The following GYPC variants were observed in gnomAD, a reference collection of about 807,000 sequenced individuals.
The protein encoded by GYPC is glycophorin C (Gerbich blood group).
GYPC carries 14 observed loss-of-function variants against 12.6 expected under a neutral mutation model. That is an observed-to-expected ratio of 1.11 (90% confidence interval 0.74 to 1.74). The LOEUF is 1.74. Ranked by LOEUF, GYPC falls within the 40% of genes most tolerant of loss-of-function variation. GYPC has a pLI of 0.00. For missense variants in GYPC, 225 were observed against 172.1 expected (o/e 1.31, Z -1.72); for synonymous variants, 78 against 62.1 (o/e 1.26, Z -1.20).
chr2:126,684,835 G>A (rs1329331520), intron 1 of GYPC, among the ~76,000 whole-genome samples: 4 of 152,080 alleles, frequency 2.6e-5, no homozygotes, highest in South Asian at 2.1e-4. Flanking sequence ...CTAGCACCTC[G>A]TCAATGCTCA....
Position 126,696,210 on chromosome 2 carries a change from C to A in GYPC, c.*68C>A. On this transcript the variant is annotated 3_prime_UTR_variant, in exon 4 of 4. Coordinates refer to ENST00000259254, the MANE Select transcript of GYPC (RefSeq NM_002101.5). ...ATCAGGAAAAATACACCCCATCGCC[C>A]AGCACCCCTGCTGATACCACCAGAC... 1.8e-6 allele frequency: 2 copies of A among 1,133,142 alleles called. No individual in the cohort carries two copies. Among genetic ancestry groups the A allele is most frequent in the South Asian group, 1.3e-5 (1 of 77,836 alleles). 70.2% of individuals were successfully genotyped at this position (1,133,142 alleles called of 1,614,324 possible). A position where few individuals can be genotyped will look rare whatever the true frequency, so the allele number is the denominator to read the frequency against.
At chr2:126,656,794 G>C (rs1003041629) in intron 1 of GYPC, among the ~76,000 whole-genome samples, 7 of 152,240 alleles carry the variant, frequency 4.6e-5, no homozygotes, top group African/African-American at 1.4e-4. Context: ...CGCCGCAAAG[G>C]CACACAGATG....
chr2:126,665,093 C>A (rs984443243), intron 1 of GYPC, among the ~76,000 whole-genome samples: 1 of 152,174 alleles, frequency 6.6e-6, no homozygotes. Context: ...TGCCCTATTT[C>A]ATTATTGCAG....
At chr2:126,678,820 A>G (rs1399734118) in intron 1 of GYPC, 1 of 152,194 alleles carries the variant, frequency 6.6e-6, no homozygotes, top group Non-Finnish European at 1.5e-5. Context: ...TGAATGTTTG[A>G]ACTGAGTTTC....
chr2:126,685,325 C>T (rs1235016744), intron 1 of GYPC, among the ~76,000 whole-genome samples: 1 of 152,044 alleles, frequency 6.6e-6, no homozygotes, highest in South Asian at 2.1e-4. Context: ...CTCTTGAACC[C>T]CAAATCAGAT....
At chr2:126,676,869 A>G (rs1209873896) in intron 1 of GYPC, among the ~76,000 whole-genome samples, 1 of 152,172 alleles carries the variant, frequency 6.6e-6, no homozygotes, top group Non-Finnish European at 1.5e-5. Flanking sequence ...TCTGTTTCAG[A>G]AGCAAAATGA....
In GYPC at chr2:126,690,407, A is replaced by C. The variant is rs36164874; in HGVS notation, c.106+96A>C. On this transcript the variant is annotated intron_variant, in intron 2 of 3. Coordinates refer to ENST00000259254, the MANE Select transcript of GYPC (RefSeq NM_002101.5). ...CCCTTTAAGCAGCCAGGGTTGGGGG[A>C]CTTGGTGAAAACATCCAGGGGAGAA... is the stretch of plus-strand genomic sequence containing the variant. 6.3e-6 allele frequency: 6 copies of C among 945,690 alleles called. 1 individual carries two copies. The highest frequency in any genetic ancestry group is 4.0e-5 in the South Asian group (3 of 75,368). The allele number at this position is 945,690 out of a possible 1,614,324, so 58.6% of individuals were successfully genotyped here.
intron 1 of GYPC, among the ~76,000 whole-genome samples, chr2:126,663,335 C>A (rs563270761): frequency 1.3e-5 from 2 of 152,308 alleles, no homozygotes; most frequent in Admixed American, 6.5e-5. Context: ...CACGCCCAGC[C>A]TCCTTCATGT....
intron 1 of GYPC, among the ~76,000 whole-genome samples, chr2:126,689,907 A>C (rs1180464946): frequency 6.6e-6 from 1 of 152,182 alleles, no homozygotes; most frequent in Non-Finnish European, 1.5e-5. Flanking sequence ...TCTTTCTTAA[A>C]CACAACAAGA....
chr2:126,678,070 A>C (rs1158924792), intron 1 of GYPC, among the ~76,000 whole-genome samples: 1 of 151,998 alleles, frequency 6.6e-6, no homozygotes, highest in Non-Finnish European at 1.5e-5. Context: ...AAATACAAGA[A>C]AATTAGCCGG....
chr2:126,684,353 T>A (rs936546517), intron 1 of GYPC, among the ~76,000 whole-genome samples: 2 of 152,276 alleles, frequency 1.3e-5, no homozygotes, highest in East Asian at 3.9e-4. Context: ...GAAGCCCTCA[T>A]AGCATACATC....
intron 1 of GYPC, among the ~76,000 whole-genome samples, chr2:126,673,865 T>C (rs1483034235): frequency 6.6e-6 from 1 of 152,136 alleles, no homozygotes; most frequent in Non-Finnish European, 1.5e-5. Context: ...AAATGACACC[T>C]CTTAAATCCA....
intron 1 of GYPC, among the ~76,000 whole-genome samples, chr2:126,682,098 G>C (rs1573570833): frequency 6.6e-6 from 1 of 152,198 alleles, no homozygotes; most frequent in African/African-American, 2.4e-5. Context: ...GTGGAGCTTG[G>C]AGCTGGCAAG....
chr2:126,658,675 CA>C (rs1457430994), intron 1 of GYPC: 1 of 152,182 alleles, frequency 6.6e-6, no homozygotes, highest in Admixed American at 6.5e-5. Flanking sequence ...ACCTCAATGG[CA>C]ATTACTTTAT....
At chr2:126,668,509 A>G (rs150595688) in intron 1 of GYPC, among the ~76,000 whole-genome samples, 3 of 152,210 alleles carry the variant, frequency 2.0e-5, no homozygotes, top group Admixed American at 2.0e-4. Context: ...AAATGCTCTC[A>G]TTGTGGTTAA....
chr2:126,693,708 C>G (rs766149609), intron 2 of GYPC, among the ~76,000 whole-genome samples, 156 bp from the exon 3 acceptor site: 1 of 152,166 alleles, frequency 6.6e-6, no homozygotes, highest in African/African-American at 2.4e-5. Flanking sequence ...CTGTGCATCC[C>G]TGCTAGGAGC....
chr2:126,674,806 C>T (rs889459528), intron 1 of GYPC, among the ~76,000 whole-genome samples: 1 of 152,226 alleles, frequency 6.6e-6, no homozygotes, highest in Non-Finnish European at 1.5e-5. Flanking sequence ...CACACACACA[C>T]ACCCTGTTTG....
chr2:126,685,423 C>T (rs764333364), intron 1 of GYPC, among the ~76,000 whole-genome samples: 10 of 150,824 alleles, frequency 6.6e-5, no homozygotes, highest in South Asian at 4.2e-4. Flanking sequence ...CTCACTCTGT[C>T]GCCCAGGTTG....
intron 1 of GYPC, chr2:126,675,563 A>G: frequency 3.8e-6 from 1 of 262,328 alleles, no homozygotes; most frequent in South Asian, 1.4e-4. Flanking sequence ...ATTCTTTCTC[A>G]GTAGCTTCAA....
Sources: allele counts gnomAD v4.1 joint callset (sites outside exome capture counted in the v4.1 genomes callset), GRCh38; gene constraint gnomAD v4.1.1; transcripts MANE v1.5; gene names NCBI Gene and HGNC (gene_info 2026-07-23, HGNC 2026-07-21).